The following NELL1 variants were observed in gnomAD, a reference collection of about 807,000 sequenced individuals.
The protein encoded by NELL1 is neural EGFL like 1.
A neutral mutation model predicts 107.4 loss-of-function variants in NELL1; 76 were observed. That is an observed-to-expected ratio of 0.71 (90% confidence interval 0.59 to 0.86). The LOEUF is 0.86. Ranked by LOEUF, NELL1 falls within the 40% of genes least tolerant of loss-of-function variation. The pLI is 0.00. For missense variants in NELL1, 1,024 were observed against 1,005.5 expected (o/e 1.02, Z -0.25); for synonymous variants, 353 against 341.2 (o/e 1.03, Z -0.38).
intron 12 of NELL1, among the ~76,000 whole-genome samples, chr11:21,027,038 G>T (rs574874675): frequency 4.6e-5 from 7 of 152,152 alleles, no homozygotes; most frequent in African/African-American, 1.7e-4. Context: ...GCATTCCTTG[G>T]GAGAAGGGGT....
intron 14 of NELL1, among the ~76,000 whole-genome samples, chr11:21,273,739 GC>G (rs1365553043): frequency 6.6e-6 from 1 of 152,180 alleles, no homozygotes; most frequent in African/African-American, 2.4e-5. Flanking sequence ...GGAGAGTGGG[GC>G]CAATATTCAA....
chr11:20,976,650 T>C (rs1851642244), intron 12 of NELL1, among the ~76,000 whole-genome samples: 1 of 152,212 alleles, frequency 6.6e-6, no homozygotes, highest in Non-Finnish European at 1.5e-5. Context: ...ATAGCATCTG[T>C]TTAACTTACT....
rs1225408825 is a variant in NELL1, at chr11:21,281,351, C to T, written c.1549+51897C>T. Among the ~76,000 whole-genome samples the T allele has an allele frequency of 4.6e-5, 7 of 152,142 alleles. No individual in the cohort carries two copies. The East Asian group carries it at 1.4e-3, about 30-fold the overall frequency. On this transcript the variant is annotated intron_variant, in intron 14 of 19. Coordinates refer to ENST00000357134, the MANE Select transcript of NELL1 (RefSeq NM_006157.5). ...AAACGGGAGGGAAGGGTTGGAGGGA[C>T]TGTGTCTTATGATTTGAGTGCCAGT...
At chr11:21,381,904 A>ATTTTTTTTTTTTTTTTTTTTTTTTTTT (rs149327802) in intron 15 of NELL1, among the ~76,000 whole-genome samples, 1 of 91,376 alleles carries the variant, frequency 1.1e-5, no homozygotes, top group African/African-American at 4.4e-5. Context: ...CCTGGAAGGG[A>ATTTTTTTTTTTTTTTTTTTTTTTTTTT]TTTTTTTTTT....
intron 12 of NELL1, among the ~76,000 whole-genome samples, chr11:21,055,020 T>C (rs987717836): frequency 1.1e-4 from 17 of 152,062 alleles, no homozygotes; most frequent in Admixed American, 1.1e-3. Context: ...TTTAAAGAAT[T>C]AATTGTTTAG....
chr11:21,574,076 G>A (rs1332747420), intron 19 of NELL1, among the ~76,000 whole-genome samples: 1 of 151,774 alleles, frequency 6.6e-6, no homozygotes, highest in African/African-American at 2.4e-5. Context: ...AGCTGGAGTG[G>A]TAGCTGATTT....
At chr11:21,504,990 AT>A (rs1381960468) in intron 15 of NELL1, among the ~76,000 whole-genome samples, 2 of 152,098 alleles carry the variant, frequency 1.3e-5, no homozygotes, top group Admixed American at 6.5e-5. Context: ...TACCCCAAAC[AT>A]TTTCCCCCTT....
chr11:20,702,578 C>G (rs560185840), intron 2 of NELL1, among the ~76,000 whole-genome samples: 305 of 152,044 alleles, frequency 2.0e-3, no homozygotes, highest in African/African-American at 6.7e-3. Flanking sequence ...GGGCATCCCT[C>G]TCTTGTGCCA....
At chr11:21,482,901 T>C (rs1854528404) in intron 15 of NELL1, among the ~76,000 whole-genome samples, 1 of 152,134 alleles carries the variant, frequency 6.6e-6, no homozygotes, top group Admixed American at 6.6e-5. Context: ...AGAACATTTA[T>C]ATACCTGAAA....
chr11:21,155,106 A>G (rs149823434), intron 13 of NELL1, among the ~76,000 whole-genome samples: 221 of 152,270 alleles, frequency 1.5e-3, no homozygotes, highest in African/African-American at 5.0e-3. Context: ...CAGTTCCTAG[A>G]GATTGTTGGA....
At chr11:20,778,258 C>T (rs1856786061) in intron 2 of NELL1, among the ~76,000 whole-genome samples, 1 of 152,166 alleles carries the variant, frequency 6.6e-6, no homozygotes, top group Admixed American at 6.5e-5. Flanking sequence ...AACTGTCTTG[C>T]TTACGTGTCT....
At chr11:20,829,314 C>T (rs1320627628) in intron 3 of NELL1, among the ~76,000 whole-genome samples, 1 of 150,936 alleles carries the variant, frequency 6.6e-6, no homozygotes, top group Non-Finnish European at 1.5e-5. Context: ...GCAACCTCCA[C>T]CTCTCAGGTT....
chr11:20,774,945 C>CA lies in NELL1; in HGVS notation c.185-8726dup, dbSNP rs143233612. On this transcript the variant is annotated intron_variant, in intron 2 of 19. Coordinates refer to ENST00000357134, the MANE Select transcript of NELL1 (RefSeq NM_006157.5). ...AGGAGGGTTGCTGGTCAGTTATTGCCAAAAAAAAAGAAAAAAAAACCCTGT... is the reference window on the plus strand; with the variant it reads ...AGGAGGGTTGCTGGTCAGTTATTGCCAAAAAAAAAAGAAAAAAAAACCCTGT... 6.4e-3 allele frequency among the ~76,000 whole-genome samples: 931 copies of CA among 145,780 alleles called. 13 individuals are homozygous for CA. Among genetic ancestry groups the CA allele is most frequent in the African/African-American group, 0.021 (820 of 39,670 alleles).
intron 13 of NELL1, among the ~76,000 whole-genome samples, chr11:21,143,546 T>A (rs1855913230): frequency 6.6e-6 from 1 of 152,178 alleles, no homozygotes; most frequent in African/African-American, 2.4e-5. Context: ...TTCAATTTGT[T>A]AAGTTGGCAT....
chr11:20,786,713 T>C (rs1313034378), intron 3 of NELL1, among the ~76,000 whole-genome samples: 3 of 151,798 alleles, frequency 2.0e-5, no homozygotes, highest in Non-Finnish European at 4.4e-5. Context: ...GAAAGTTTAT[T>C]AAAAAGCTTT....
chr11:21,340,466 T>C (rs79351079), intron 14 of NELL1, among the ~76,000 whole-genome samples: 6,482 of 152,216 alleles, frequency 0.043, 160 homozygotes, highest in Admixed American at 0.086. Context: ...TTACCTACTT[T>C]TATGAGTTGA....
intron 11 of NELL1, among the ~76,000 whole-genome samples, chr11:20,947,935 G>A (rs943348226): frequency 6.6e-6 from 1 of 152,188 alleles, no homozygotes; most frequent in Non-Finnish European, 1.5e-5. Flanking sequence ...AAATGCATCA[G>A]ATAAATAACA....
At chr11:20,700,851 T>C (rs1400504083) in intron 2 of NELL1, among the ~76,000 whole-genome samples, 2 of 152,228 alleles carry the variant, frequency 1.3e-5, no homozygotes, top group African/African-American at 4.8e-5. Context: ...TCCTTTTTTA[T>C]GGCTGCCTAG....
chr11:21,017,962 G>T (rs1017882125), intron 12 of NELL1, among the ~76,000 whole-genome samples: 16 of 151,962 alleles, frequency 1.1e-4, no homozygotes, highest in African/African-American at 3.6e-4. Context: ...CCCAAAACTT[G>T]CTCTAGTATT....
Sources: gnomAD v4.1 joint callset for allele counts (sites outside exome capture counted in the v4.1 genomes callset) on GRCh38, gnomAD v4.1.1 for gene constraint, MANE v1.5 for transcripts, NCBI Gene and HGNC (gene_info 2026-07-23, HGNC 2026-07-21) for gene names.